Variants in RABGAP1 observed in about 807,000 individuals in gnomAD.
RABGAP1 encodes RAB GTPase activating protein 1, also known as rab GTPase-activating protein 1.
Under a neutral mutation model 137.6 loss-of-function variants are expected in RABGAP1, and 23 were observed. The observed-to-expected ratio is 0.17, with a 90% CI of 0.12 to 0.24. The LOEUF is 0.24. Among genes scored for constraint, RABGAP1 ranks in the 10% least tolerant of loss-of-function variants. RABGAP1 has a pLI of 1.00. For missense variants in RABGAP1, 906 were observed against 1,275.8 expected (o/e 0.71, Z 4.42); for synonymous variants, 451 against 450.7 (o/e 1.00, Z -0.01).
upstream of RABGAP1, chr9:122,940,153 A>G (rs1833473969): frequency 6.6e-6 from 1 of 152,200 alleles, no homozygotes; most frequent in African/African-American, 2.4e-5. Context: ...TGCATCCTGG[A>G]CAAGATAGGG....
chr9:123,090,343 G>A lies in RABGAP1; in HGVS notation c.2586G>A (p.Glu862=), dbSNP rs1406831632. The A allele has an allele frequency of 2.5e-6, 4 of 1,613,310 alleles. No homozygotes were observed. Among genetic ancestry groups the A allele is most frequent in the Non-Finnish European group, 3.4e-6 (4 of 1,179,800 alleles). ...LEQENDDLAH[E]LVTSKIALRK... The stretch of plus-strand genomic sequence containing the variant: ...AGGAAAACGATGACTTAGCCCATGA[G>A]CTGGTGACCAGCAAGATTGCACTAC... Residue 862 remains glutamate (E), a synonymous_variant, in exon 21 of 26, where the codon GAG becomes GAA. Coordinates refer to ENST00000373647, the MANE Select transcript of RABGAP1 (RefSeq NM_012197.4).
At chr9:122,960,077 T>C (rs566224808) in intron 2 of RABGAP1, among the ~76,000 whole-genome samples, 1 of 152,260 alleles carries the variant, frequency 6.6e-6, no homozygotes, top group Admixed American at 6.5e-5. Flanking sequence ...TAAAAAATAG[T>C]GGAGGTTGTG....
chr9:123,034,708 A>T (rs1206082409), intron 13 of RABGAP1: 1 of 1,613,542 alleles, frequency 6.2e-7, no homozygotes, highest in East Asian at 2.2e-5. Flanking sequence ...TGGCAACATC[A>T]TTGTGATTTT....
intron 1 of RABGAP1, among the ~76,000 whole-genome samples, chr9:122,944,878 AAAT>A (rs1833854512): frequency 6.6e-6 from 1 of 152,008 alleles, no homozygotes; most frequent in Non-Finnish European, 1.5e-5. Flanking sequence ...CGCCCGGCCT[AAAT>A]AATCTTTCTT....
At chr9:123,035,516 G>T in intron 13 of RABGAP1, 1 of 1,613,630 alleles carries the variant, frequency 6.2e-7, no homozygotes, top group South Asian at 1.1e-5. Flanking sequence ...GGACTAAAGC[G>T]CCTCTCAGGG....
intron 1 of RABGAP1, among the ~76,000 whole-genome samples, chr9:122,943,597 T>C (rs924581011): frequency 1.3e-5 from 2 of 152,202 alleles, no homozygotes; most frequent in African/African-American, 4.8e-5. Context: ...GCACTTTATC[T>C]ACATGAGGGG....
At chr9:123,097,012 A>G (rs1177261756) in intron 21 of RABGAP1, among the ~76,000 whole-genome samples, 1 of 152,244 alleles carries the variant, frequency 6.6e-6, no homozygotes, top group Admixed American at 6.5e-5. Flanking sequence ...AATCCTATCC[A>G]TATCAGGAGC....
chr9:123,004,779 A>G lies in RABGAP1; in HGVS notation c.1375-5575A>G, dbSNP rs1043291054. On this transcript the variant is annotated intron_variant, in intron 10 of 25. Transcript: ENST00000373647. ...TCATCAAAATCTAAAAAAGTCAGCC[A>G]GGCACGGTGGCTTATGCCTGTAATC... Among the ~76,000 whole-genome samples the G allele has an allele frequency of 3.9e-5, 6 of 152,146 alleles. No homozygotes were observed. In the South Asian group the frequency reaches 1.2e-3, roughly 31 times the overall value.
intron 13 of RABGAP1, chr9:123,035,657 TGTGTGTGTG>T (rs2032609435): frequency 1.2e-6 from 1 of 828,114 alleles, no homozygotes; most frequent in Admixed American, 2.4e-5. Flanking sequence ...TGTGTGTGTG[TGTGTGTGTG>T]TGTGTGTGTG....
At chr9:122,977,358 G>GT (rs764407273) in intron 2 of RABGAP1, among the ~76,000 whole-genome samples, 5 of 152,326 alleles carry the variant, frequency 3.3e-5, no homozygotes, top group Admixed American at 2.0e-4. Flanking sequence ...AAGGATGATT[G>GT]TAATTCTTAA....
At position 123,070,636 on chromosome 9, in the gene RABGAP1, C is replaced by T. The variant is rs147505097; in HGVS notation, c.1983+212C>T. Among the ~76,000 whole-genome samples, 445 of 152,310 alleles carry T rather than the reference C, an allele frequency of 2.9e-3. 2 individuals are homozygous for T. Among genetic ancestry groups the T allele is most frequent in the African/African-American group, 0.01 (421 of 41,548 alleles). On this transcript the variant is annotated intron_variant, in intron 15 of 25. Coordinates refer to ENST00000373647, the MANE Select transcript of RABGAP1 (RefSeq NM_012197.4). This position sits in a 1 kb window ranked among gnomAD's most constrained non-coding sequence, Gnocchi z 4.4. ...TAAACGGCAATGTTGAAAACTGGTA[C>T]AGGGGTAGACTTCCTTTTTATTAAT...
intron 19 of RABGAP1, among the ~76,000 whole-genome samples, chr9:123,088,378 GT>G (rs376351749): frequency 0.011 from 1,571 of 148,604 alleles, 27 homozygotes; most frequent in African/African-American, 0.035. Flanking sequence ...GCACACATCT[GT>G]TTTTTTTTTA....
intron 13 of RABGAP1, among the ~76,000 whole-genome samples, chr9:123,022,402 A>G (rs2131937863): frequency 6.6e-6 from 1 of 152,210 alleles, no homozygotes; most frequent in South Asian, 2.1e-4. Flanking sequence ...TTAAACTTAC[A>G]ATTTTGTTTT....
chr9:122,968,220 C>CTTT (rs1008036959), intron 2 of RABGAP1, among the ~76,000 whole-genome samples: 23 of 122,894 alleles, frequency 1.9e-4, no homozygotes, highest in South Asian at 2.7e-4. Flanking sequence ...TCAATTCTAC[C>CTTT]TTTTTTTTTT....
At chr9:123,018,102 C>G (rs370058549) in intron 12 of RABGAP1, among the ~76,000 whole-genome samples, 1 of 152,174 alleles carries the variant, frequency 6.6e-6, no homozygotes, top group Non-Finnish European at 1.5e-5. Context: ...TCATGCCATT[C>G]TCCTGCCTCA....
At chr9:123,006,407 T>G (rs930463781) in intron 10 of RABGAP1, among the ~76,000 whole-genome samples, 7 of 152,328 alleles carry the variant, frequency 4.6e-5, no homozygotes, top group Admixed American at 3.3e-4. Flanking sequence ...GGATTTGATT[T>G]AATCTTTTTC....
chr9:123,053,747 C>T (rs1039967327), intron 13 of RABGAP1, among the ~76,000 whole-genome samples: 4 of 152,106 alleles, frequency 2.6e-5, no homozygotes, highest in African/African-American at 9.7e-5. Flanking sequence ...CTAACTTTTT[C>T]TTTGGGCAGC....
At chr9:122,942,610 C>T (rs1833648664) in intron 1 of RABGAP1, among the ~76,000 whole-genome samples, 1 of 128,344 alleles carries the variant, frequency 7.8e-6, no homozygotes, top group African/African-American at 3.0e-5. Context: ...GCAGAGGTTG[C>T]AGTGGGCCGA....
intron 3 of RABGAP1, among the ~76,000 whole-genome samples, chr9:122,985,970 G>A (rs1342332808): frequency 6.6e-6 from 1 of 152,146 alleles, no homozygotes; most frequent in Non-Finnish European, 1.5e-5. Context: ...GAAATTTGAA[G>A]CATTTCATGT....
Sources: allele counts gnomAD v4.1 joint callset (sites outside exome capture counted in the v4.1 genomes callset), GRCh38; gene constraint gnomAD v4.1.1; non-coding constraint Gnocchi (gnomAD v3.1); transcripts MANE v1.5; gene names NCBI Gene and HGNC (gene_info 2026-07-23, HGNC 2026-07-21).